The following DLG2 variants were observed in gnomAD, a reference collection of about 807,000 sequenced individuals.
DLG2 encodes disks large homolog 2.
In DLG2, 45 loss-of-function variants were observed where a neutral mutation model predicts 132.5. That is an observed-to-expected ratio of 0.34 (90% CI 0.27 to 0.44). DLG2 has a LOEUF of 0.44. DLG2 is among the 20% of genes least tolerant of loss of function. DLG2 has a pLI of 1.00. For synonymous variants in DLG2, 424 were observed against 419.6 expected (o/e 1.01, Z -0.13); for missense variants, 1,045 against 1,196.9 (o/e 0.87, Z 1.87).
chr11:85,557,411 C>T (rs2076999366), intron 3 of DLG2, among the ~76,000 whole-genome samples: 1 of 151,800 alleles, frequency 6.6e-6, no homozygotes, highest in Non-Finnish European at 1.5e-5. Flanking sequence ...ATACTATTCC[C>T]ATCAAACTAC....
intron 7 of DLG2, among the ~76,000 whole-genome samples, chr11:84,305,391 T>C (rs1270196112): frequency 6.6e-6 from 1 of 152,132 alleles, no homozygotes; most frequent in Non-Finnish European, 1.5e-5. Flanking sequence ...TAAAAATTAG[T>C]GTTAGAAAAA....
At chr11:84,774,362 T>C (rs1424208459) in intron 6 of DLG2, among the ~76,000 whole-genome samples, 1 of 152,160 alleles carries the variant, frequency 6.6e-6, no homozygotes, top group Non-Finnish European at 1.5e-5. Flanking sequence ...AAAATGGCCA[T>C]ACTGCCTAAA....
intron 3 of DLG2, among the ~76,000 whole-genome samples, chr11:85,387,474 A>G (rs1441520375): frequency 3.3e-5 from 5 of 152,142 alleles, no homozygotes; most frequent in Admixed American, 6.6e-5. Flanking sequence ...ATTTAATTAC[A>G]CTCAATGTGT....
chr11:83,705,111 T>C (rs758393561), intron 18 of DLG2, among the ~76,000 whole-genome samples: 10 of 152,226 alleles, frequency 6.6e-5, no homozygotes, highest in Non-Finnish European at 1.0e-4. Flanking sequence ...GAATGTGATA[T>C]ACCTAACTTG....
intron 3 of DLG2, among the ~76,000 whole-genome samples, chr11:85,357,040 G>T (rs1010825434): frequency 1.8e-4 from 14 of 76,806 alleles, no homozygotes; most frequent in African/African-American, 6.7e-4. Context: ...ACTTAATTAG[G>T]CCTGTGTCTC....
At chr11:85,389,778 G>A (rs938127877) in intron 3 of DLG2, among the ~76,000 whole-genome samples, 1 of 152,054 alleles carries the variant, frequency 6.6e-6, no homozygotes, top group Non-Finnish European at 1.5e-5. Flanking sequence ...ATAAATGAAG[G>A]AAAGATACAG....
intron 6 of DLG2, among the ~76,000 whole-genome samples, chr11:85,100,578 A>G (rs903905711): frequency 3.9e-4 from 60 of 152,158 alleles, no homozygotes; most frequent in Admixed American, 2.0e-4. Flanking sequence ...CTACACTGAA[A>G]AGCCCAAGTA....
chr11:85,560,393 T>C (rs544374511), intron 3 of DLG2, among the ~76,000 whole-genome samples: 2 of 152,016 alleles, frequency 1.3e-5, no homozygotes, highest in East Asian at 3.9e-4. Context: ...TGGAATATTA[T>C]TCAGCAATAA....
At chr11:84,204,238 T>C (rs2051473) in intron 8 of DLG2, among the ~76,000 whole-genome samples, 117,271 of 152,108 alleles carry the variant, frequency 0.77, 47,460 homozygotes, top group Middle Eastern at 0.93. Context: ...ATTACAGGCG[T>C]AAGCCACCGT....
At chr11:85,395,969 G>C (rs1412378471) in intron 3 of DLG2, among the ~76,000 whole-genome samples, 1 of 152,214 alleles carries the variant, frequency 6.6e-6, no homozygotes, top group Non-Finnish European at 1.5e-5. Context: ...CCTCAAGTGA[G>C]TCCCTGACCC....
intron 6 of DLG2, among the ~76,000 whole-genome samples, chr11:84,700,837 G>T (rs887511799): frequency 6.6e-6 from 1 of 151,594 alleles, no homozygotes; most frequent in Non-Finnish European, 1.5e-5. Context: ...ACTATCAGTT[G>T]GTTTCTGGCT....
intron 6 of DLG2, among the ~76,000 whole-genome samples, chr11:84,585,682 T>C (rs1050339359): frequency 3.9e-5 from 6 of 152,250 alleles, no homozygotes; most frequent in Non-Finnish European, 8.8e-5. Context: ...TTTCAATAAA[T>C]GTTTATACAT....
At chr11:85,625,908 T>A (rs561701791) in intron 2 of DLG2, among the ~76,000 whole-genome samples, 3 of 152,220 alleles carry the variant, frequency 2.0e-5, no homozygotes, top group African/African-American at 4.8e-5. Flanking sequence ...GTTCAGAATA[T>A]AATCAACTAT....
In DLG2 at chr11:84,733,603, G is replaced by T. The variant is rs898122134; in HGVS notation, c.358-198872C>A. 9.2e-5 allele frequency among the ~76,000 whole-genome samples: 14 copies of T among 152,074 alleles called. No homozygotes were observed. The East Asian group carries it at 9.7e-4, about 11-fold the overall frequency. On this transcript the variant is annotated intron_variant, in intron 6 of 27. Transcript: ENST00000376104. ...TCTGTAGGTTGCCTGTTCACTCTGA[G>T]GGTAGTTTCTTTTGCTGTGCAGAAG... is the stretch of plus-strand genomic sequence containing the variant.
In DLG2 at chr11:83,842,509, G is replaced by A. The variant is rs533552158; in HGVS notation, c.1566-8739C>T. ...CTCAGGAGGCTGAGGCAGGAGAATC[G>A]CTTGAACCTGTCTCAAAAAAAAAAA... On this transcript the variant is annotated intron_variant, in intron 16 of 27. Coordinates refer to ENST00000376104, the MANE Select transcript of DLG2 (RefSeq NM_001142699.3). 7.0e-5 allele frequency among the ~76,000 whole-genome samples: 8 copies of A among 114,174 alleles called. No homozygotes were observed. The South Asian group carries it at 2.0e-3, about 28-fold the overall frequency. 74.9% of individuals were successfully genotyped at this position (114,174 alleles called of 152,430 possible).
chr11:84,818,262 C>T (rs1451265184), intron 6 of DLG2, among the ~76,000 whole-genome samples: 4 of 152,088 alleles, frequency 2.6e-5, no homozygotes, highest in African/African-American at 9.6e-5. Context: ...TCTATTCTTC[C>T]TATGCCTAGC....
intron 18 of DLG2, among the ~76,000 whole-genome samples, chr11:83,648,729 G>C (rs1193840878): frequency 6.6e-6 from 1 of 152,098 alleles, no homozygotes; most frequent in East Asian, 1.9e-4. Flanking sequence ...GCCCTGAGGA[G>C]TCTTCTTAAA....
chr11:85,426,406 C>T (rs1565475526), intron 3 of DLG2, among the ~76,000 whole-genome samples: 1 of 151,846 alleles, frequency 6.6e-6, no homozygotes. Flanking sequence ...CCTCACACGG[C>T]TGGGTACTCC....
intron 3 of DLG2, among the ~76,000 whole-genome samples, chr11:85,597,970 G>T (rs1460352453): frequency 1.3e-5 from 2 of 150,240 alleles, no homozygotes; most frequent in East Asian, 1.9e-4. Flanking sequence ...ATATAAAAAA[G>T]AATTAAAAGC....
Sources: allele counts gnomAD v4.1 joint callset (sites outside exome capture counted in the v4.1 genomes callset), GRCh38; gene constraint gnomAD v4.1.1; transcripts MANE v1.5; gene names NCBI Gene and HGNC (gene_info 2026-07-23, HGNC 2026-07-21).